Variants in SLC9A4 observed in about 807,000 individuals in gnomAD.
SLC9A4 encodes sodium/hydrogen exchanger 4.
A neutral mutation model predicts 67.4 loss-of-function variants in SLC9A4; 63 were observed. That is an observed-to-expected ratio of 0.93 (90% CI 0.76 to 1.15). The LOEUF (loss-of-function observed/expected upper bound fraction) is 1.15. Among genes scored for constraint, SLC9A4 ranks in the 50% most tolerant of loss-of-function variants. The pLI is 0.00. For synonymous variants in SLC9A4, 393 were observed against 367.2 expected (o/e 1.07, Z -0.80); for missense variants, 1,089 against 987.7 (o/e 1.10, Z -1.38).
At position 102,532,433 on chromosome 2, in the gene SLC9A4, G is replaced by A. The variant is rs781285071; in HGVS notation, c.2142G>A (p.Lys714=). 3.1e-6 allele frequency: 5 copies of A among 1,614,168 alleles called. No individual in the cohort carries two copies. The highest frequency in any genetic ancestry group is 1.7e-5 in the Admixed American group (1 of 60,034). The change falls in exon 12 of 12, where the codon AAG becomes AAA. Residue 714 remains lysine (K), a synonymous_variant. Coordinates refer to ENST00000295269, the MANE Select transcript of SLC9A4 (RefSeq NM_001011552.4). ...KQEAQEIIPM[K]SLHRGRKAFS... Reference sequence around the variant, plus strand: ...AGGCACAAGAAATAATACCAATGAAGAGCCTACACAGAGGAAGGAAGGCAT... The same window carrying A: ...AGGCACAAGAAATAATACCAATGAAAAGCCTACACAGAGGAAGGAAGGCAT...
intron 11 of SLC9A4, among the ~76,000 whole-genome samples, chr2:102,530,452 T>C (rs1674754316): frequency 6.6e-6 from 1 of 152,210 alleles, no homozygotes. Context: ...GCCTTCTGCT[T>C]TCCAGCCAAC....
chr2:102,479,426 C>A, intron 2 of SLC9A4, 124 bp downstream of exon 2: 2 of 1,023,242 alleles, frequency 2.0e-6, no homozygotes, highest in South Asian at 1.6e-5. Flanking sequence ...TGAGCTTCAG[C>A]CCATGCGGTG....
At chr2:102,523,164 A>AG (rs1674578274) in intron 9 of SLC9A4, among the ~76,000 whole-genome samples, 2 of 151,214 alleles carry the variant, frequency 1.3e-5, no homozygotes, top group African/African-American at 4.9e-5. Flanking sequence ...TTGTAGAGAT[A>AG]GGGTTTAGTC....
At chr2:102,515,059 A>C (rs1685248333) in intron 8 of SLC9A4, among the ~76,000 whole-genome samples, 1 of 152,130 alleles carries the variant, frequency 6.6e-6, no homozygotes, top group East Asian at 1.9e-4. Flanking sequence ...TAATTTCCCA[A>C]AGATGCCCAG....
Position 102,505,325 on chromosome 2 carries a change from T to G in SLC9A4, c.1052T>G (p.Ile351Ser), listed in dbSNP as rs751878676. Residue 351 changes from isoleucine to serine, a missense_variant, in exon 4 of 12, where the codon ATC becomes AGC. Coordinates refer to ENST00000295269, the MANE Select transcript of SLC9A4 (RefSeq NM_001011552.4). ...GTGTCCCAGACATCATACACGACCA[T>G]CAAGTACTTCATGAAGATGCTGAGC... is the stretch of plus-strand genomic sequence containing the variant. ...ENVSQTSYTTIKYFMKMLSSV... is the reference protein window; with the variant it reads ...ENVSQTSYTTSKYFMKMLSSV... The G allele has an allele frequency of 1.2e-6, 2 of 1,614,214 alleles. No individual in the cohort carries two copies. Among genetic ancestry groups the G allele is most frequent in the South Asian group, 2.2e-5 (2 of 91,088 alleles).
intron 9 of SLC9A4, among the ~76,000 whole-genome samples, chr2:102,520,306 G>T (rs1202308077): frequency 6.6e-6 from 1 of 152,122 alleles, no homozygotes; most frequent in Non-Finnish European, 1.5e-5. Context: ...TGATCACAGT[G>T]CAGTTGTCCC....
chr2:102,516,743 A>T (rs1481974404), intron 8 of SLC9A4, among the ~76,000 whole-genome samples: 3 of 152,234 alleles, frequency 2.0e-5, no homozygotes, highest in African/African-American at 7.2e-5. Flanking sequence ...TTTGATTACT[A>T]TCTCAAATAT....
intron 2 of SLC9A4, among the ~76,000 whole-genome samples, chr2:102,499,027 G>A (rs1684867584): frequency 6.6e-6 from 1 of 152,194 alleles, no homozygotes; most frequent in Non-Finnish European, 1.5e-5. Context: ...GGGAAGGAGA[G>A]AGGGAAGGAC....
Position 102,503,654 on chromosome 2 carries a change from C to T in SLC9A4, c.927C>T (p.Phe309=). Residue 309 remains phenylalanine, a synonymous_variant, in exon 3 of 12, where the codon TTC becomes TTT. Coordinates refer to ENST00000295269, the MANE Select transcript of SLC9A4 (RefSeq NM_001011552.4). ...SAIEPLIVFM[F]SYLSYLAAET... ...TTGAGCCACTCATCGTCTTCATGTT[C>T]AGCTATTTGTCTTACTTAGCTGCTG... The T allele has an allele frequency of 1.2e-6, 2 of 1,614,190 alleles. No homozygotes were observed. Among genetic ancestry groups the T allele is most frequent in the Non-Finnish European group, 1.7e-6 (2 of 1,180,038 alleles).
At chr2:102,515,577 A>G (rs907904678) in intron 8 of SLC9A4, among the ~76,000 whole-genome samples, 27 of 151,950 alleles carry the variant, frequency 1.8e-4, no homozygotes, top group East Asian at 5.9e-4. Context: ...ATATACTGGC[A>G]GTGCTCTGCT....
chr2:102,524,007 G>T (rs1327224968), intron 9 of SLC9A4, among the ~76,000 whole-genome samples: 1 of 152,138 alleles, frequency 6.6e-6, no homozygotes, highest in Non-Finnish European at 1.5e-5. Context: ...TTATCACTTA[G>T]CTGCACGCAT....
intron 2 of SLC9A4, among the ~76,000 whole-genome samples, chr2:102,492,235 C>T (rs1684717984): frequency 6.6e-6 from 1 of 152,212 alleles, no homozygotes; most frequent in African/African-American, 2.4e-5. Flanking sequence ...AGGCCTGTGG[C>T]CTTCTTCTCA....
chr2:102,524,984 G>C, intron 9 of SLC9A4, 40 bp from the exon 10 acceptor site: 1 of 1,611,452 alleles, frequency 6.2e-7, no homozygotes, highest in Non-Finnish European at 8.5e-7. Flanking sequence ...AAGTTGTATG[G>C]AGGAGTCCTT....
intron 4 of SLC9A4, among the ~76,000 whole-genome samples, chr2:102,506,558 A>T (rs1478319613): frequency 6.6e-6 from 1 of 152,204 alleles, no homozygotes; most frequent in Non-Finnish European, 1.5e-5. Flanking sequence ...TTAAATCATT[A>T]TCACCGGCCT....
intron 1 of SLC9A4, among the ~76,000 whole-genome samples, chr2:102,474,770 G>A (rs1684292898): frequency 6.6e-6 from 1 of 152,138 alleles, no homozygotes; most frequent in African/African-American, 2.4e-5. Flanking sequence ...ATTCTAAAGT[G>A]GAAAATTAAT....
intron 2 of SLC9A4, among the ~76,000 whole-genome samples, chr2:102,486,072 T>C (rs1684582874): frequency 2.0e-5 from 3 of 152,226 alleles, no homozygotes; most frequent in Admixed American, 6.5e-5. Context: ...TCCTGCTTTA[T>C]ATTTTCCTGC....
intron 4 of SLC9A4, chr2:102,505,776 T>G (rs554473008): frequency 3.4e-6 from 1 of 293,568 alleles, no homozygotes; most frequent in Non-Finnish European, 6.3e-6. Context: ...GAAAAATACA[T>G]GTTTGTTACT....
At chr2:102,497,529 G>T (rs1476731748) in intron 2 of SLC9A4, among the ~76,000 whole-genome samples, 1 of 152,150 alleles carries the variant, frequency 6.6e-6, no homozygotes, top group African/African-American at 2.4e-5. Flanking sequence ...ACTAACACCT[G>T]CAACAACTTG....
chr2:102,494,330 A>G (rs1181741749), intron 2 of SLC9A4, among the ~76,000 whole-genome samples: 1 of 150,462 alleles, frequency 6.6e-6, no homozygotes, highest in African/African-American at 2.5e-5. Flanking sequence ...GCACCACTAA[A>G]CATGATGCAA....
Sources: allele counts gnomAD v4.1 joint callset (sites outside exome capture counted in the v4.1 genomes callset), GRCh38; gene constraint gnomAD v4.1.1; transcripts MANE v1.5; gene names NCBI Gene and HGNC (gene_info 2026-07-23, HGNC 2026-07-21).